SLC24A2: variants seen among roughly 807,000 people sequenced by gnomAD.
SLC24A2 encodes the protein solute carrier family 24 member 2.
SLC24A2 carries 36 observed loss-of-function variants against 62.0 expected under a neutral mutation model. The observed-to-expected ratio is 0.58, with a 90% confidence interval of 0.44 to 0.77. The LOEUF is 0.77. SLC24A2 is among the 30% of genes least tolerant of loss of function. The pLI is 0.00. For synonymous variants in SLC24A2, 358 were observed against 294.0 expected, an observed-to-expected ratio of 1.22 and a Z score of -2.23; for missense variants, 846 against 817.9, an observed-to-expected ratio of 1.03 and a Z score of -0.42.
At chr9:19,758,521 T>G (rs2118841346) in intron 2 of SLC24A2, among the ~76,000 whole-genome samples, 1 of 152,298 alleles carries the variant, frequency 6.6e-6, no homozygotes, top group East Asian at 1.9e-4. Flanking sequence ...TTTCAGTAGG[T>G]CTTTACTTAA....
chr9:20,012,179 A>G, the SLC24A2 span, among the ~76,000 whole-genome samples: 1 of 152,228 alleles, frequency 6.6e-6, no homozygotes, highest in African/African-American at 2.4e-5. Flanking sequence ...GCTGATAAAG[A>G]CATACCTGAG....
chr9:20,079,557 C>G, the SLC24A2 span, among the ~76,000 whole-genome samples: 1 of 152,200 alleles, frequency 6.6e-6, no homozygotes, highest in African/African-American at 2.4e-5. Flanking sequence ...CTCCCTGGAA[C>G]AGGACATTTA....
intron 2 of SLC24A2, among the ~76,000 whole-genome samples, chr9:19,736,389 C>A (rs969083069): frequency 5.3e-5 from 8 of 151,982 alleles, no homozygotes; most frequent in African/African-American, 1.9e-4. Context: ...CAATCAGTAC[C>A]CAATCACCTG....
chr9:19,752,185 A>G (rs1822004339), intron 2 of SLC24A2, among the ~76,000 whole-genome samples: 1 of 152,152 alleles, frequency 6.6e-6, no homozygotes, highest in African/African-American at 2.4e-5. Context: ...GAAGAGGTGC[A>G]GAAAGAATGA....
At chr9:20,103,536 T>G in the SLC24A2 span, among the ~76,000 whole-genome samples, 3 of 152,122 alleles carry the variant, frequency 2.0e-5, no homozygotes, top group Non-Finnish European at 2.9e-5. Context: ...GCATTCGTGG[T>G]TTATGAAAAT....
chr9:19,509,689 A>G lies in SLC24A2; in HGVS notation c.*6464T>C, dbSNP rs1832643613. On this transcript the variant is annotated 3_prime_UTR_variant, in exon 11 of 11. Transcript: ENST00000341998. ...GTAATTTCATCCTTAAAATAATTTTATTCAGGATTTCAGACTTTTTTTACT... is the reference window on the plus strand; with the variant it reads ...GTAATTTCATCCTTAAAATAATTTTGTTCAGGATTTCAGACTTTTTTTACT... 1 of 152,210 alleles carries G rather than the reference A, an allele frequency of 6.6e-6. No individual in the cohort carries two copies. Among genetic ancestry groups the G allele is most frequent in the South Asian group, 2.1e-4 (1 of 4,828 alleles). 9.4% of individuals were successfully genotyped at this position (152,210 alleles called of 1,614,324 possible).
At chr9:19,856,233 C>T in the SLC24A2 span, among the ~76,000 whole-genome samples, 2 of 152,156 alleles carry the variant, frequency 1.3e-5, no homozygotes, top group South Asian at 2.1e-4. Flanking sequence ...AAAACATATT[C>T]CTTTAGCTCA....
the SLC24A2 span, among the ~76,000 whole-genome samples, chr9:19,978,640 T>A: frequency 6.6e-6 from 1 of 152,126 alleles, no homozygotes; most frequent in Non-Finnish European, 1.5e-5. Flanking sequence ...ATCAATTGAC[T>A]CCCAACTTTC....
intron 2 of SLC24A2, among the ~76,000 whole-genome samples, chr9:19,714,027 T>C (rs1436180434): frequency 2.0e-5 from 3 of 152,194 alleles, no homozygotes; most frequent in Non-Finnish European, 4.4e-5. Context: ...ATACCTCAGT[T>C]CCTAAAAATC....
At chr9:20,076,922 T>TTA in the SLC24A2 span, among the ~76,000 whole-genome samples, 1 of 147,224 alleles carries the variant, frequency 6.8e-6, no homozygotes, top group Non-Finnish European at 1.5e-5. Context: ...TATACCACAT[T>TTA]TATATATATT....
At chr9:19,954,955 T>C in the SLC24A2 span, among the ~76,000 whole-genome samples, 2 of 151,020 alleles carry the variant, frequency 1.3e-5, no homozygotes, top group Non-Finnish European at 3.0e-5. Context: ...CCATCTTTTC[T>C]TTTACAGGAA....
the SLC24A2 span, among the ~76,000 whole-genome samples, chr9:20,029,334 T>A: frequency 1.3e-5 from 2 of 152,234 alleles, no homozygotes; most frequent in Non-Finnish European, 2.9e-5. Context: ...CAACTTTCAG[T>A]AGGTGCTCTC....
chr9:20,006,461 A>G, the SLC24A2 span, among the ~76,000 whole-genome samples: 1 of 152,086 alleles, frequency 6.6e-6, no homozygotes, highest in East Asian at 1.9e-4. Context: ...TTAAATAACT[A>G]AGAGTATAAT....
At chr9:20,157,938 T>C in the SLC24A2 span, among the ~76,000 whole-genome samples, 1 of 151,540 alleles carries the variant, frequency 6.6e-6, no homozygotes, top group East Asian at 2.0e-4. Flanking sequence ...CCCAGTGCTA[T>C]GCAAAGATCC....
the SLC24A2 span, among the ~76,000 whole-genome samples, chr9:20,188,548 G>T: frequency 6.6e-6 from 1 of 152,228 alleles, no homozygotes; most frequent in East Asian, 1.9e-4. Flanking sequence ...ATGGTGAAAA[G>T]GGCTTGAAAA....
At chr9:19,698,916 A>C (rs1031017402) in intron 2 of SLC24A2, among the ~76,000 whole-genome samples, 1 of 152,220 alleles carries the variant, frequency 6.6e-6, no homozygotes, top group Non-Finnish European at 1.5e-5. Flanking sequence ...GGAGGCACAG[A>C]GAGGTGAGAG....
At chr9:19,955,675 G>A in the SLC24A2 span, among the ~76,000 whole-genome samples, 1 of 152,026 alleles carries the variant, frequency 6.6e-6, no homozygotes, top group Non-Finnish European at 1.5e-5. Flanking sequence ...GCATATAAAG[G>A]TATGGGTCTG....
chr9:20,184,590 A>G, the SLC24A2 span, among the ~76,000 whole-genome samples: 1 of 152,108 alleles, frequency 6.6e-6, no homozygotes, highest in South Asian at 2.1e-4. Flanking sequence ...AAAACAAAAA[A>G]CACAAAAGAT....
intron 2 of SLC24A2, among the ~76,000 whole-genome samples, chr9:19,770,389 C>G (rs1191937844): frequency 1.3e-5 from 2 of 151,668 alleles, no homozygotes; most frequent in African/African-American, 4.9e-5. Flanking sequence ...AAGATTAATA[C>G]TATATGCATT....
Sources: gnomAD v4.1 joint callset for allele counts (sites outside exome capture counted in the v4.1 genomes callset) on GRCh38, gnomAD v4.1.1 for gene constraint, MANE v1.5 for transcripts, NCBI Gene and HGNC (gene_info 2026-07-23, HGNC 2026-07-21) for gene names.